LRRTM4: variants seen among roughly 807,000 people sequenced by gnomAD.
LRRTM4 encodes the protein leucine-rich repeat transmembrane neuronal protein 4.
LRRTM4 carries 25 observed loss-of-function variants against 47.6 expected under a neutral mutation model. The observed-to-expected ratio is 0.53, with a 90% CI of 0.38 to 0.73. LRRTM4 has a LOEUF of 0.73. Ranked by LOEUF, LRRTM4 falls within the 30% of genes least tolerant of loss-of-function variation. LRRTM4 has a pLI of 0.00. For synonymous variants in LRRTM4, 311 were observed against 269.5 expected, an observed-to-expected ratio of 1.15 and a Z score of -1.51; for missense variants, 638 against 713.4, an observed-to-expected ratio of 0.89 and a Z score of 1.20.
chr2:76,974,223 C>CATATATATAT (rs1294649444), intron 3 of LRRTM4, among the ~76,000 whole-genome samples: 22 of 115,992 alleles, frequency 1.9e-4, no homozygotes, highest in Non-Finnish European at 2.6e-4. Flanking sequence ...CATATATATA[C>CATATATATAT]ATACATATAT....
At chr2:76,871,693 T>C (rs946110104) in intron 3 of LRRTM4, among the ~76,000 whole-genome samples, 3 of 152,204 alleles carry the variant, frequency 2.0e-5, no homozygotes, top group East Asian at 1.9e-4. Context: ...GGGATGTAAC[T>C]TTCCCTTCTG....
intron 3 of LRRTM4, among the ~76,000 whole-genome samples, chr2:77,387,875 A>G (rs1673345636): frequency 6.6e-6 from 1 of 152,144 alleles, no homozygotes; most frequent in South Asian, 2.1e-4. Flanking sequence ...TATACTATTA[A>G]AATGCCCTCA....
chr2:77,172,101 C>G (rs1470861087), intron 3 of LRRTM4, among the ~76,000 whole-genome samples: 2 of 152,234 alleles, frequency 1.3e-5, no homozygotes, highest in East Asian at 3.9e-4. Context: ...TTCTCTTATA[C>G]TTTCAAATTT....
intron 3 of LRRTM4, among the ~76,000 whole-genome samples, chr2:77,407,633 TTATTATATAATATA>T (rs1212967979): frequency 7.2e-6 from 1 of 138,746 alleles, no homozygotes; most frequent in Non-Finnish European, 1.5e-5. Context: ...ATATGATATA[TTATTATATAATATA>T]TATTATATAA....
intron 3 of LRRTM4, among the ~76,000 whole-genome samples, chr2:76,975,949 T>C (rs1260756440): frequency 6.6e-6 from 1 of 151,880 alleles, no homozygotes; most frequent in African/African-American, 2.4e-5. Flanking sequence ...GATTGCATTC[T>C]TTCTTGGCCA....
intron 3 of LRRTM4, among the ~76,000 whole-genome samples, chr2:77,157,820 G>A (rs867735763): frequency 2.6e-5 from 4 of 152,110 alleles, no homozygotes; most frequent in African/African-American, 4.8e-5. Flanking sequence ...GCTATTTGCA[G>A]GAAACTCAGG....
At chr2:76,957,867 G>A (rs1021358209) in intron 3 of LRRTM4, among the ~76,000 whole-genome samples, 7 of 151,602 alleles carry the variant, frequency 4.6e-5, no homozygotes, top group African/African-American at 1.7e-4. Flanking sequence ...AATTCTGCCA[G>A]ATAGACTAGC....
At chr2:77,053,163 G>T (rs10186823) in intron 3 of LRRTM4, among the ~76,000 whole-genome samples, 33,962 of 151,962 alleles carry the variant, frequency 0.22, 3,912 homozygotes, top group East Asian at 0.3. Context: ...CAGTAAGGCA[G>T]AATTCAGATA....
chr2:77,122,948 A>G (rs1671557354), intron 3 of LRRTM4, among the ~76,000 whole-genome samples: 1 of 151,924 alleles, frequency 6.6e-6, no homozygotes. Context: ...AGTTTTACAC[A>G]TATCTCCTCC....
chr2:77,090,100 C>A (rs1243617415), intron 3 of LRRTM4, among the ~76,000 whole-genome samples: 1 of 152,158 alleles, frequency 6.6e-6, no homozygotes, highest in Non-Finnish European at 1.5e-5. Context: ...CTTCCTCCGC[C>A]TCTGCTCCTC....
At chr2:76,923,923 T>C (rs559018693) in intron 3 of LRRTM4, among the ~76,000 whole-genome samples, 7 of 152,268 alleles carry the variant, frequency 4.6e-5, no homozygotes, top group Admixed American at 4.6e-4. Flanking sequence ...GTAGCTCAAA[T>C]GGCTCTATAT....
At chr2:76,804,387 A>G (rs1250661115) in intron 3 of LRRTM4, among the ~76,000 whole-genome samples, 1 of 152,066 alleles carries the variant, frequency 6.6e-6, no homozygotes, top group East Asian at 1.9e-4. Context: ...GAGAACACAC[A>G]TACACACACA....
intron 3 of LRRTM4, among the ~76,000 whole-genome samples, chr2:77,140,181 A>T (rs924523466): frequency 6.6e-6 from 1 of 152,162 alleles, no homozygotes; most frequent in Non-Finnish European, 1.5e-5. Flanking sequence ...ATCCTAAACC[A>T]AAAGAACAAA....
intron 3 of LRRTM4, among the ~76,000 whole-genome samples, chr2:76,932,657 CT>C (rs1474136497): frequency 4.0e-5 from 6 of 151,656 alleles, no homozygotes; most frequent in African/African-American, 1.5e-4. Context: ...AAAATATTTT[CT>C]AAATATTTTC....
chr2:77,378,735 A>C (rs1006080398), intron 3 of LRRTM4, among the ~76,000 whole-genome samples: 3 of 152,090 alleles, frequency 2.0e-5, no homozygotes, highest in Non-Finnish European at 4.4e-5. Context: ...CCATGGCTAG[A>C]TATGTAAGAA....
chr2:77,221,815 G>A (rs887973935), intron 3 of LRRTM4, among the ~76,000 whole-genome samples: 2 of 152,000 alleles, frequency 1.3e-5, no homozygotes, highest in Non-Finnish European at 2.9e-5. Flanking sequence ...AAAGTTAACA[G>A]GGCTATCCAG....
intron 3 of LRRTM4, among the ~76,000 whole-genome samples, chr2:77,207,270 A>G (rs1674154179): frequency 6.8e-6 from 1 of 146,604 alleles, no homozygotes; most frequent in African/African-American, 2.5e-5. Flanking sequence ...TGAAGTACAC[A>G]TATATGTATA....
chr2:77,427,196 C>T (rs1222587162), intron 3 of LRRTM4, among the ~76,000 whole-genome samples: 3 of 152,120 alleles, frequency 2.0e-5, no homozygotes, highest in Non-Finnish European at 4.4e-5. Context: ...TCAGGATGGT[C>T]TTGATCTCTT....
chr2:77,477,163 A>G (rs1484586903), intron 3 of LRRTM4, among the ~76,000 whole-genome samples: 5 of 152,164 alleles, frequency 3.3e-5, no homozygotes, highest in Admixed American at 3.3e-4. Flanking sequence ...CATTAGCATC[A>G]TGAAGATAGA....
Sources: gnomAD v4.1 joint callset for allele counts (sites outside exome capture counted in the v4.1 genomes callset) on GRCh38, gnomAD v4.1.1 for gene constraint, MANE v1.5 for transcripts, NCBI Gene and HGNC (gene_info 2026-07-23, HGNC 2026-07-21) for gene names.